The following EYS variants were observed in gnomAD, a reference collection of about 807,000 sequenced individuals.
EYS encodes protein eyes shut homolog.
A neutral mutation model predicts 282.1 loss-of-function variants in EYS; 250 were observed. The ratio of observed to expected loss-of-function variants is 0.89; its 90% CI spans 0.80 to 0.98. The LOEUF is 0.98. EYS is among the 50% of genes least tolerant of loss of function. The pLI is 0.00. For synonymous variants in EYS, 1,355 were observed against 1,282.9 expected, an observed-to-expected ratio of 1.06 and a Z score of -1.20; for missense variants, 4,016 against 3,709.0, an observed-to-expected ratio of 1.08 and a Z score of -2.15.
At chr6:65,662,100 AAAGGTTAAGGATAAATT>A (rs2149826287) in intron 1 of EYS, among the ~76,000 whole-genome samples, 3 of 152,252 alleles carry the variant, frequency 2.0e-5, no homozygotes, top group African/African-American at 7.2e-5. Context: ...TCCTTTAAGT[AAAGGTTAAGGATAAATT>A]AAGGTTAAGG....
intron 31 of EYS, among the ~76,000 whole-genome samples, chr6:64,120,488 TG>T (rs1773550474): frequency 6.6e-6 from 1 of 151,944 alleles, no homozygotes; most frequent in Non-Finnish European, 1.5e-5. Context: ...AAAATCTTCC[TG>T]TAGTTAAATT....
At chr6:65,649,270 T>C (rs1767568440) in intron 1 of EYS, among the ~76,000 whole-genome samples, 2 of 152,216 alleles carry the variant, frequency 1.3e-5, no homozygotes, top group Non-Finnish European at 2.9e-5. Context: ...GTTTTGTTTG[T>C]TTTGTTTTCA....
At chr6:64,330,534 G>A (rs1481805312) in intron 29 of EYS, among the ~76,000 whole-genome samples, 3 of 152,152 alleles carry the variant, frequency 2.0e-5, no homozygotes, top group East Asian at 3.9e-4. Context: ...CTTTTTACCT[G>A]TATGTCCATG....
chr6:65,101,085 G>A (rs1296074272), intron 12 of EYS, among the ~76,000 whole-genome samples: 1 of 150,916 alleles, frequency 6.6e-6, no homozygotes, highest in Non-Finnish European at 1.5e-5. Flanking sequence ...ATAAAATTTT[G>A]TATCTGAGAA....
intron 14 of EYS, among the ~76,000 whole-genome samples, chr6:64,963,211 C>T (rs2224204): frequency 0.92 from 140,020 of 152,190 alleles, 64,490 homozygotes; most frequent in Non-Finnish European, 0.94. Context: ...TTATCTCTGA[C>T]CAACACTCAA....
chr6:65,678,989 T>C (rs1322254388), intron 1 of EYS, among the ~76,000 whole-genome samples: 1 of 151,904 alleles, frequency 6.6e-6, no homozygotes, highest in African/African-American at 2.4e-5. Context: ...GTGATAATAA[T>C]AATCCTCAGT....
At chr6:65,504,019 A>G (rs1161986514) in intron 2 of EYS, among the ~76,000 whole-genome samples, 3 of 151,714 alleles carry the variant, frequency 2.0e-5, no homozygotes, top group Non-Finnish European at 4.4e-5. Context: ...TTGGGATTGT[A>G]CTGAATCTAT....
At chr6:64,956,573 T>C (rs1279727927) in intron 14 of EYS, among the ~76,000 whole-genome samples, 1 of 151,912 alleles carries the variant, frequency 6.6e-6, no homozygotes, top group African/African-American at 2.4e-5. Context: ...AAAGCAAAAA[T>C]GGACAAATGA....
chr6:64,205,171 A>AT (rs771291067), intron 31 of EYS, among the ~76,000 whole-genome samples: 1 of 152,210 alleles, frequency 6.6e-6, no homozygotes, highest in Admixed American at 6.5e-5. Context: ...GCTTAAAATC[A>AT]TTTAAAAATA....
chr6:65,104,013 G>C lies in EYS; in HGVS notation c.2024-46286C>G, dbSNP rs540850397. On this transcript the variant is annotated intron_variant, in intron 12 of 42. Transcript: ENST00000503581. ...CAGTTTCTTTTATCTTGTTGTTCATGACTCTAAGTTCAGTGTTTCTCAAAC... is the reference window on the plus strand; with the variant it reads ...CAGTTTCTTTTATCTTGTTGTTCATCACTCTAAGTTCAGTGTTTCTCAAAC... Among the ~76,000 whole-genome samples, 3 of 150,838 alleles carry C rather than the reference G, an allele frequency of 2.0e-5. No individual in the cohort carries two copies. The East Asian group carries it at 5.9e-4, about 29-fold the overall frequency.
At chr6:64,040,206 T>A (rs75817420) in intron 33 of EYS, among the ~76,000 whole-genome samples, 2,636 of 152,314 alleles carry the variant, frequency 0.017, 71 homozygotes, top group African/African-American at 0.049. Flanking sequence ...TATATTTAAA[T>A]CCAGCAAACA....
intron 12 of EYS, among the ~76,000 whole-genome samples, chr6:65,213,832 A>C (rs1280897543): frequency 6.6e-6 from 1 of 152,098 alleles, no homozygotes; most frequent in East Asian, 1.9e-4. Flanking sequence ...AGGTTAAATC[A>C]AAAGCTAGAA....
intron 12 of EYS, among the ~76,000 whole-genome samples, chr6:65,247,649 C>G (rs1767213731): frequency 6.6e-6 from 1 of 151,954 alleles, no homozygotes; most frequent in South Asian, 2.1e-4. Context: ...GCATTCTAAC[C>G]TAATTACCAG....
chr6:64,240,898 T>C (rs1055073249), intron 30 of EYS, among the ~76,000 whole-genome samples: 2 of 152,182 alleles, frequency 1.3e-5, no homozygotes, highest in African/African-American at 4.8e-5. Context: ...TTGTCATAAA[T>C]AGCTCTTATT....
chr6:64,421,810 G>A (rs968207024), intron 28 of EYS, among the ~76,000 whole-genome samples: 2 of 151,938 alleles, frequency 1.3e-5, no homozygotes, highest in Non-Finnish European at 2.9e-5. Context: ...GGGAGGGAGC[G>A]AAGAAGAGAG....
chr6:63,740,480 A>C (rs545069860), intron 41 of EYS, among the ~76,000 whole-genome samples: 1 of 152,180 alleles, frequency 6.6e-6, no homozygotes, highest in African/African-American at 2.4e-5. Flanking sequence ...GCAGCATGAA[A>C]ATGGACTAAT....
At chr6:64,943,117 T>C (rs1769154142) in intron 15 of EYS, among the ~76,000 whole-genome samples, 1 of 152,100 alleles carries the variant, frequency 6.6e-6, no homozygotes, top group South Asian at 2.1e-4. Flanking sequence ...AAACACATGA[T>C]GATCCCAATA....
chr6:64,501,688 G>T (rs1301243586), intron 26 of EYS, among the ~76,000 whole-genome samples: 4 of 152,096 alleles, frequency 2.6e-5, no homozygotes, highest in Admixed American at 2.6e-4. Context: ...TTTTAAGGAC[G>T]TAAAACCAGA....
At chr6:63,981,698 T>C (rs1012490172) in intron 35 of EYS, among the ~76,000 whole-genome samples, 1 of 151,618 alleles carries the variant, frequency 6.6e-6, no homozygotes, top group Non-Finnish European at 1.5e-5. Context: ...TTCTCTGGAG[T>C]TGTGGTTGAG....
Sources: allele counts gnomAD v4.1 joint callset (sites outside exome capture counted in the v4.1 genomes callset), GRCh38; gene constraint gnomAD v4.1.1; transcripts MANE v1.5; gene names NCBI Gene and HGNC (gene_info 2026-07-23, HGNC 2026-07-21).